TNRC6B: variants seen among roughly 807,000 people sequenced by gnomAD.
TNRC6B encodes trinucleotide repeat containing adaptor 6B.
A neutral mutation model predicts 203.6 loss-of-function variants in TNRC6B; 52 were observed. That is an observed-to-expected ratio of 0.26 (90% confidence interval 0.20 to 0.32). TNRC6B has a LOEUF of 0.32. Ranked by LOEUF, TNRC6B falls within the 10% of genes least tolerant of loss-of-function variation. The pLI, the probability that TNRC6B is intolerant of heterozygous loss-of-function variation, is 1.00. For missense variants in TNRC6B, 1,923 were observed against 2,286.2 expected, an observed-to-expected ratio of 0.84 and a Z score of 3.24; for synonymous variants, 838 against 845.7, an observed-to-expected ratio of 0.99 and a Z score of 0.16.
chr22:40,191,501 A>G (rs1180450894), intron 1 of TNRC6B, among the ~76,000 whole-genome samples: 1 of 152,192 alleles, frequency 6.6e-6, no homozygotes, highest in Non-Finnish European at 1.5e-5. Context: ...GTGGAGCACA[A>G]GGGTTAACTC....
intron 1 of TNRC6B, among the ~76,000 whole-genome samples, chr22:40,211,762 G>T (rs1339199418): frequency 6.6e-6 from 1 of 152,208 alleles, no homozygotes; most frequent in Non-Finnish European, 1.5e-5. Flanking sequence ...GGATGGGCCA[G>T]TTCTTCAACA....
At position 40,265,938 on chromosome 22, in the gene TNRC6B, G is replaced by A. The variant is rs1431692018; in HGVS notation, c.1708G>A (p.Gly570Arg). 1.2e-6 allele frequency: 2 copies of A among 1,613,992 alleles called. No individual in the cohort carries two copies. Among genetic ancestry groups the A allele is most frequent in the Admixed American group, 1.7e-5 (1 of 60,016 alleles). ...TTCCAGCTCCACAGGAAGTGAAGTT[G>A]GAGGTCAAAGCACTGGAAGCAACCA... ...RSSSSTGSEVGGQSTGSNHKA... is the reference protein window; with the variant it reads ...RSSSSTGSEVRGQSTGSNHKA... Residue 570 changes from glycine (G) to arginine (R), a missense_variant, in exon 5 of 23, where the codon GGA becomes AGA. Transcript: ENST00000454349.
chr22:40,275,538 A>T (rs575766192), intron 7 of TNRC6B, among the ~76,000 whole-genome samples: 2 of 152,342 alleles, frequency 1.3e-5, no homozygotes, highest in Non-Finnish European at 2.9e-5. Flanking sequence ...GTATATTCAC[A>T]TACTTATGTT....
At chr22:40,154,328 G>T (rs1601845826) in intron 3 of TNRC6B, among the ~76,000 whole-genome samples, 1 of 151,918 alleles carries the variant, frequency 6.6e-6, no homozygotes, top group Non-Finnish European at 1.5e-5. Flanking sequence ...GCTGGGCGTG[G>T]TGGCAGGCGC....
intron 1 of TNRC6B, among the ~76,000 whole-genome samples, chr22:40,183,783 C>T (rs2069167684): frequency 6.6e-6 from 1 of 152,020 alleles, no homozygotes; most frequent in South Asian, 2.1e-4. Context: ...CAACCTCCGC[C>T]TCCTGGGTTC....
intron 2 of TNRC6B, among the ~76,000 whole-genome samples, chr22:40,125,455 G>T (rs1421513794): frequency 6.6e-6 from 1 of 152,152 alleles, no homozygotes; most frequent in Non-Finnish European, 1.5e-5. Context: ...AGTGTCTGCT[G>T]TAAGAATTTC....
At chr22:40,285,912 G>C (rs2070773685) in intron 12 of TNRC6B, 142 bp downstream of exon 12, 2 of 1,140,696 alleles carry the variant, frequency 1.8e-6, no homozygotes, top group Admixed American at 2.5e-5. Context: ...TGACCTTTTG[G>C]CTAAGATCAA....
intron 1 of TNRC6B, among the ~76,000 whole-genome samples, chr22:40,089,271 C>T (rs535439606): frequency 6.6e-6 from 1 of 151,818 alleles, no homozygotes; most frequent in South Asian, 2.1e-4. Flanking sequence ...CTCACTTTGT[C>T]ACCCAGGCTG....
intron 2 of TNRC6B, 138 bp from the exon 3 acceptor site, chr22:40,251,041 A>C: frequency 1.8e-6 from 1 of 564,552 alleles, no homozygotes; most frequent in Non-Finnish European, 2.9e-6. Context: ...ACTGACTCCC[A>C]GCTCCTTTTT....
At chr22:40,285,045 A>T (rs1027365047) in intron 11 of TNRC6B, among the ~76,000 whole-genome samples, 3 of 152,142 alleles carry the variant, frequency 2.0e-5, no homozygotes, top group African/African-American at 7.2e-5. Flanking sequence ...CAGGTGAGTA[A>T]TGTTTATTTT....
chr22:40,177,961 T>A lies in TNRC6B; in HGVS notation c.-175T>A, dbSNP rs377432102. ...GGGAGAGAGAGAGCAAGAGGGAGAGTGTGTGAGAGAGAGTTAGTTCAAGCC... is the reference window on the plus strand; with the variant it reads ...GGGAGAGAGAGAGCAAGAGGGAGAGAGTGTGAGAGAGAGTTAGTTCAAGCC... On this transcript the variant is annotated 5_prime_UTR_variant, in exon 1 of 23. Transcript: ENST00000454349. 1 of 1,427,940 alleles carries A rather than the reference T, an allele frequency of 7.0e-7. No homozygotes were observed. The highest frequency in any genetic ancestry group is 9.1e-7 in the Non-Finnish European group (1 of 1,096,032). 88.5% of individuals were successfully genotyped at this position (1,427,940 alleles called of 1,614,324 possible). A position where few individuals can be genotyped will look rare whatever the true frequency, so the allele number is the denominator to read the frequency against.
At chr22:40,313,120 G>A in intron 19 of TNRC6B, 123 bp downstream of exon 19, 1 of 716,346 alleles carries the variant, frequency 1.4e-6, no homozygotes, top group African/African-American at 1.8e-5. Context: ...GCATAGGTCA[G>A]TATAGATGGA....
intron 1 of TNRC6B, among the ~76,000 whole-genome samples, chr22:40,101,325 A>G (rs1273871150): frequency 6.6e-6 from 1 of 152,070 alleles, no homozygotes; most frequent in Non-Finnish European, 1.5e-5. Flanking sequence ...TTCAAACTTT[A>G]ACCTATGTCA....
intron 2 of TNRC6B, 114 bp downstream of exon 2, chr22:40,246,216 G>A: frequency 1.3e-6 from 1 of 760,708 alleles, no homozygotes; most frequent in East Asian, 3.1e-5. Flanking sequence ...CTGAGATGGA[G>A]TCTTGCTCTG....
chr22:40,133,358 C>T (rs1428342385), intron 3 of TNRC6B, among the ~76,000 whole-genome samples: 1 of 151,978 alleles, frequency 6.6e-6, no homozygotes, highest in East Asian at 1.9e-4. Flanking sequence ...ATGCAACAAA[C>T]ATTTATTGGG....
intron 1 of TNRC6B, among the ~76,000 whole-genome samples, chr22:40,080,114 G>A (rs1001140639): frequency 3.0e-5 from 1 of 32,954 alleles, no homozygotes; most frequent in African/African-American, 1.3e-4. Context: ...TTTTTTTTTT[G>A]TGTAGAGACA....
At chr22:40,135,013 G>A (rs1260121038) in intron 3 of TNRC6B, among the ~76,000 whole-genome samples, 1 of 152,226 alleles carries the variant, frequency 6.6e-6, no homozygotes, top group Non-Finnish European at 1.5e-5. Flanking sequence ...AGAAATGCCT[G>A]AAAGGGCCCA....
At chr22:40,151,518 C>T (rs1337690550) in intron 3 of TNRC6B, among the ~76,000 whole-genome samples, 3 of 131,814 alleles carry the variant, frequency 2.3e-5, no homozygotes, top group Non-Finnish European at 4.6e-5. Context: ...TCAGCCTGGG[C>T]GACAGTGAGA....
intron 4 of TNRC6B, among the ~76,000 whole-genome samples, chr22:40,161,170 T>G (rs938188009): frequency 6.6e-6 from 1 of 152,236 alleles, no homozygotes; most frequent in African/African-American, 2.4e-5. Context: ...GTTTTATGCT[T>G]GCCTTGAGAA....
Sources: allele counts gnomAD v4.1 joint callset (sites outside exome capture counted in the v4.1 genomes callset), GRCh38; gene constraint gnomAD v4.1.1; transcripts MANE v1.5; gene names NCBI Gene and HGNC (gene_info 2026-07-23, HGNC 2026-07-21).